Variants in NDUFA10 observed in about 807,000 individuals in gnomAD.
NDUFA10 encodes NADH:ubiquinone oxidoreductase subunit A10.
Under a neutral mutation model 47.8 loss-of-function variants are expected in NDUFA10, and 40 were observed. The observed-to-expected ratio is 0.84, with a 90% CI of 0.65 to 1.09. NDUFA10 has a LOEUF of 1.09. Ranked by LOEUF, NDUFA10 falls within the 50% of genes least tolerant of loss-of-function variation. The pLI, the probability that NDUFA10 is intolerant of heterozygous loss-of-function variation, is 0.00. For missense variants in NDUFA10, 413 were observed against 451.1 expected (o/e 0.92, Z 0.76); for synonymous variants, 183 against 172.2 (o/e 1.06, Z -0.49).
At chr2:239,980,006 C>T (rs187730591) in intron 9 of NDUFA10, among the ~76,000 whole-genome samples, 156 of 152,020 alleles carry the variant, frequency 1.0e-3, no homozygotes, top group African/African-American at 3.6e-3. Context: ...TCCCCTGTGG[C>T]GCCTGCTCCC....
chr2:239,974,694 A>G (rs2106415361), intron 9 of NDUFA10, among the ~76,000 whole-genome samples: 1 of 152,304 alleles, frequency 6.6e-6, no homozygotes, highest in South Asian at 2.1e-4. Context: ...ACCACCAAAG[A>G]TCTGGTCATT....
intron 4 of NDUFA10, among the ~76,000 whole-genome samples, chr2:239,951,940 T>C (rs1385723025): frequency 6.6e-6 from 1 of 152,176 alleles, no homozygotes; most frequent in African/African-American, 2.4e-5. Flanking sequence ...GCTCTGTCCC[T>C]CTCGAGACCT....
At chr2:239,912,801 C>T (rs978794738) in intron 4 of NDUFA10, among the ~76,000 whole-genome samples, 4 of 152,178 alleles carry the variant, frequency 2.6e-5, no homozygotes, top group Admixed American at 2.0e-4. Context: ...TCCTGTCTAC[C>T]TGGGTGTCAA....
Position 239,960,620 on chromosome 2 carries a change from T to G in NDUFA10, c.*498A>C. On this transcript the variant is annotated 3_prime_UTR_variant, in exon 10 of 10. Transcript: ENST00000252711. ...AAATACAGTAGGCCTTTAGAAAAAC[T>G]CTTCAGCATAATGTAAGCCTCAATT... 9.7e-7 allele frequency: 1 copy of G among 1,025,890 alleles called. No individual in the cohort carries two copies. Among genetic ancestry groups the G allele is most frequent in the Non-Finnish European group, 1.2e-6 (1 of 852,044 alleles). The allele number at this position is 1,025,890 out of a possible 1,614,324, so 63.5% of individuals were successfully genotyped here.
chr2:239,968,520 G>A (rs1194324243), intron 9 of NDUFA10, among the ~76,000 whole-genome samples: 1 of 152,144 alleles, frequency 6.6e-6, no homozygotes, highest in African/African-American at 2.4e-5. Flanking sequence ...GCAGTAACAG[G>A]GTCTGTACTT....
chr2:240,014,590 G>A (rs1201385894), intron 5 of NDUFA10, 149 bp downstream of exon 5: 2 of 1,288,012 alleles, frequency 1.6e-6, no homozygotes, highest in African/African-American at 2.9e-5. Flanking sequence ...CACCCCTGCA[G>A]ATGCCCTCTC....
At chr2:239,952,147 G>A (rs1694566001) in intron 4 of NDUFA10, among the ~76,000 whole-genome samples, 1 of 152,144 alleles carries the variant, frequency 6.6e-6, no homozygotes, top group African/African-American at 2.4e-5. Context: ...CAGACAGCCT[G>A]GCTGCGTCCT....
chr2:240,005,188 G>T, intron 8 of NDUFA10, 22 bp downstream of exon 8: 1 of 1,595,178 alleles, frequency 6.3e-7, no homozygotes, highest in Non-Finnish European at 8.6e-7. Flanking sequence ...ACATGCAGCA[G>T]CCCCCACACA....
chr2:239,961,771 C>A (rs1437623940), intron 9 of NDUFA10, among the ~76,000 whole-genome samples: 1 of 152,192 alleles, frequency 6.6e-6, no homozygotes, highest in African/African-American at 2.4e-5. Flanking sequence ...GCAGGACTGA[C>A]CCTAGCGGGA....
chr2:239,923,285 CTG>C (rs1694018999), intron 4 of NDUFA10, among the ~76,000 whole-genome samples: 1 of 152,300 alleles, frequency 6.6e-6, no homozygotes, highest in African/African-American at 2.4e-5. Flanking sequence ...TGCATAAAAA[CTG>C]AGCACTATCA....
downstream of NDUFA10, among the ~76,000 whole-genome samples, chr2:239,953,364 G>A (rs1451146520): frequency 1.3e-5 from 2 of 152,176 alleles, no homozygotes; most frequent in African/African-American, 4.8e-5. Context: ...CTTGATTGGA[G>A]GCCTCCTGGC....
chr2:239,969,948 C>A (rs1041561651), intron 9 of NDUFA10, among the ~76,000 whole-genome samples: 12 of 152,076 alleles, frequency 7.9e-5, no homozygotes, highest in African/African-American at 2.9e-4. Context: ...ATAAGAGTCC[C>A]CAAAAGGGGG....
chr2:239,982,061 G>C, intron 9 of NDUFA10: 2 of 1,607,884 alleles, frequency 1.2e-6, no homozygotes, highest in Admixed American at 3.3e-5. Flanking sequence ...TCTGTGGAAT[G>C]TCCTCAAATG....
At position 240,011,230 on chromosome 2, in the gene NDUFA10, G is replaced by C. The variant is rs536817667; in HGVS notation, c.749+387C>G. ...GTCTAGAGAAAGTGTTATCTTTCAT[G>C]AATTTTCTCCATGAATACACTTCCA... is the stretch of plus-strand genomic sequence containing the variant. On this transcript the variant is annotated intron_variant, in intron 6 of 9. Transcript: ENST00000252711. Among the ~76,000 whole-genome samples, 11 of 152,332 alleles carry C rather than the reference G, an allele frequency of 7.2e-5. No homozygotes were observed. The South Asian group carries it at 2.1e-3, about 29-fold the overall frequency.
chr2:240,021,051 A>G (rs1559407379), intron 3 of NDUFA10, 146 bp downstream of exon 3: 2 of 716,584 alleles, frequency 2.8e-6, no homozygotes, highest in African/African-American at 3.5e-5. Flanking sequence ...CACAATCTCA[A>G]GAAATTCATG....
intron 4 of NDUFA10, among the ~76,000 whole-genome samples, chr2:239,896,440 G>A (rs1213150834): frequency 1.3e-5 from 2 of 152,192 alleles, no homozygotes; most frequent in African/African-American, 2.4e-5. Context: ...AAATTCAAGG[G>A]TAGAGGAGCA....
Position 239,959,306 on chromosome 2 carries a change from C to A in NDUFA10, c.*1812G>T. On this transcript the variant is annotated 3_prime_UTR_variant, in exon 10 of 10. Transcript: ENST00000252711. The stretch of plus-strand genomic sequence containing the variant: ...AGGGCAATCCTGACCACAGGGCAGA[C>A]CTGCCCTCTCACTGCTGAGGACACT... 1.0e-6 allele frequency: 1 copy of A among 985,478 alleles called. No homozygotes were observed. Among genetic ancestry groups the A allele is most frequent in the Non-Finnish European group, 1.2e-6 (1 of 829,954 alleles). The allele number at this position is 985,478 out of a possible 1,614,324, so 61.0% of individuals were successfully genotyped here. A position where few individuals can be genotyped will look rare whatever the true frequency, so the allele number is the denominator to read the frequency against.
At chr2:239,976,208 T>C (rs1420027337) in intron 9 of NDUFA10, among the ~76,000 whole-genome samples, 1 of 152,222 alleles carries the variant, frequency 6.6e-6, no homozygotes, top group Non-Finnish European at 1.5e-5. Flanking sequence ...GACTCTGCTA[T>C]ATTTGAACTC....
At chr2:239,910,689 C>A (rs968643628) in intron 4 of NDUFA10, among the ~76,000 whole-genome samples, 1 of 152,036 alleles carries the variant, frequency 6.6e-6, no homozygotes, top group East Asian at 1.9e-4. Flanking sequence ...CAAACCCACA[C>A]GCCCCGCACC....
Sources: allele counts gnomAD v4.1 joint callset (sites outside exome capture counted in the v4.1 genomes callset), GRCh38; gene constraint gnomAD v4.1.1; transcripts MANE v1.5; gene names NCBI Gene and HGNC (gene_info 2026-07-23, HGNC 2026-07-21).